The following MGAT4C variants were observed in gnomAD, a reference collection of about 807,000 sequenced individuals.
MGAT4C encodes MGAT4 family member C.
Under a neutral mutation model 40.1 loss-of-function variants are expected in MGAT4C, and 19 were observed. That is an observed-to-expected ratio of 0.47 (90% CI 0.33 to 0.70). MGAT4C has a LOEUF of 0.70. MGAT4C is among the 30% of genes least tolerant of loss of function. The pLI, the probability that MGAT4C is intolerant of heterozygous loss-of-function variation, is 0.02. For synonymous variants in MGAT4C, 181 were observed against 187.1 expected, an observed-to-expected ratio of 0.97 and a Z score of 0.27; for missense variants, 491 against 563.2, an observed-to-expected ratio of 0.87 and a Z score of 1.30.
At chr12:86,732,915 C>T (rs1252031011) in intron 1 of MGAT4C, among the ~76,000 whole-genome samples, 1 of 151,490 alleles carries the variant, frequency 6.6e-6, no homozygotes, top group Non-Finnish European at 1.5e-5. Flanking sequence ...CATCAAATTG[C>T]TTCATTTTTA....
chr12:86,275,135 C>G (rs774581390), intron 4 of MGAT4C, among the ~76,000 whole-genome samples: 1 of 152,094 alleles, frequency 6.6e-6, no homozygotes, highest in African/African-American at 2.4e-5. Context: ...CCATTCAGAA[C>G]AAGTATGAAA....
At chr12:86,611,106 C>T (rs1565882393) in intron 2 of MGAT4C, among the ~76,000 whole-genome samples, 1 of 151,642 alleles carries the variant, frequency 6.6e-6, no homozygotes, top group Admixed American at 6.6e-5. Context: ...TGTCAGCTAA[C>T]GACTCCTTGG....
intron 4 of MGAT4C, among the ~76,000 whole-genome samples, chr12:86,326,296 T>TCACACACACACA (rs3047013): frequency 2.1e-5 from 3 of 140,754 alleles, no homozygotes; most frequent in African/African-American, 7.7e-5. Context: ...AGTATTCTCA[T>TCACACACACACA]CACACACACA....
rs373091551 is a variant in MGAT4C at position 86,616,703 on chromosome 12, CT to C, written c.-229+110505del. ...ACTTTCATCAAAGTTAACAGGGTTT[CT>C]TTTTTTTTTTTTCTTCTCCAAGTTC... On this transcript the variant is annotated intron_variant, in intron 2 of 7. Coordinates refer to the MGAT4C transcript ENST00000548651. Among the ~76,000 whole-genome samples, 1,037 of 144,600 alleles carry C rather than the reference CT, an allele frequency of 7.2e-3. 4 individuals are homozygous for C. The highest frequency in any genetic ancestry group is 0.011 in the Middle Eastern group (3 of 272). 94.9% of individuals were successfully genotyped at this position (144,600 alleles called of 152,430 possible).
intron 2 of MGAT4C, among the ~76,000 whole-genome samples, chr12:86,041,186 C>G (rs1199088937): frequency 2.6e-5 from 4 of 151,498 alleles, no homozygotes; most frequent in African/African-American, 9.7e-5. Context: ...TTTACCATTT[C>G]TGATTGTGTT....
chr12:86,213,952 C>T (rs182154536), intron 1 of MGAT4C, among the ~76,000 whole-genome samples: 2 of 152,276 alleles, frequency 1.3e-5, no homozygotes, highest in East Asian at 3.9e-4. Context: ...AGACTTATTC[C>T]CCACAAGGGG....
At chr12:86,667,628 G>A (rs1964147622) in intron 2 of MGAT4C, among the ~76,000 whole-genome samples, 1 of 152,030 alleles carries the variant, frequency 6.6e-6, no homozygotes, top group African/African-American at 2.4e-5. Flanking sequence ...CCTTGCAATG[G>A]GAATGAAACC....
upstream of MGAT4C, among the ~76,000 whole-genome samples, chr12:86,258,289 ATCT>A (rs2136091929): frequency 1.2e-5 from 1 of 82,282 alleles, no homozygotes; most frequent in South Asian, 4.0e-4. Context: ...GATATAATCT[ATCT>A]ATCTATCTAT....
intron 1 of MGAT4C, among the ~76,000 whole-genome samples, chr12:86,125,328 G>T (rs1403013313): frequency 6.6e-6 from 1 of 152,112 alleles, no homozygotes; most frequent in Non-Finnish European, 1.5e-5. Flanking sequence ...GTAGTTCCAG[G>T]CTGCTACATC....
At chr12:86,295,856 G>C (rs1426858523) in intron 4 of MGAT4C, among the ~76,000 whole-genome samples, 1 of 151,712 alleles carries the variant, frequency 6.6e-6, no homozygotes, top group African/African-American at 2.4e-5. Flanking sequence ...CTAAACACAG[G>C]GTGCTGATTG....
At chr12:86,743,368 T>C (rs1951103800) in intron 1 of MGAT4C, among the ~76,000 whole-genome samples, 1 of 151,610 alleles carries the variant, frequency 6.6e-6, no homozygotes. Context: ...ACTTCAGTGA[T>C]TTAATAACTT....
Position 86,082,638 on chromosome 12 carries a change from A to G in MGAT4C, c.-56-32915T>C, listed in dbSNP as rs569174239. Among the ~76,000 whole-genome samples the G allele has an allele frequency of 2.0e-5, 3 of 152,260 alleles. No individual in the cohort carries two copies. The South Asian group carries it at 6.2e-4, about 32-fold the overall frequency. On this transcript the variant is annotated intron_variant, in intron 1 of 4. Transcript: ENST00000611864. ...GTTTCAGCACAAAATGATCCAACAGAAAGTCTAATATAAGTATCAAACTAT... is the reference window on the plus strand; with the variant it reads ...GTTTCAGCACAAAATGATCCAACAGGAAGTCTAATATAAGTATCAAACTAT...
intron 1 of MGAT4C, among the ~76,000 whole-genome samples, chr12:86,741,301 A>G (rs1951065428): frequency 6.6e-6 from 1 of 151,364 alleles, no homozygotes; most frequent in African/African-American, 2.4e-5. Context: ...GTTTTAGATT[A>G]TACTTTAAAT....
At chr12:86,633,862 G>T (rs10858456) in intron 2 of MGAT4C, among the ~76,000 whole-genome samples, 1 of 151,684 alleles carries the variant, frequency 6.6e-6, no homozygotes, top group Admixed American at 6.6e-5. Flanking sequence ...TCATTAAGTT[G>T]CCTCCTCCAT....
chr12:86,539,148 A>G (rs1320853768), intron 2 of MGAT4C, among the ~76,000 whole-genome samples: 6 of 151,796 alleles, frequency 4.0e-5, no homozygotes, highest in African/African-American at 9.7e-5. Flanking sequence ...TACATTAGGT[A>G]TATCTCCTAA....
intron 1 of MGAT4C, among the ~76,000 whole-genome samples, chr12:86,075,571 C>T (rs1170533877): frequency 3.9e-5 from 6 of 152,336 alleles, no homozygotes; most frequent in Non-Finnish European, 7.4e-5. Context: ...TGATCCCACA[C>T]TTCCCTTCTG....
At chr12:86,778,903 AAAAC>A (rs1471857691) in intron 1 of MGAT4C, among the ~76,000 whole-genome samples, 4 of 151,724 alleles carry the variant, frequency 2.6e-5, no homozygotes, top group Non-Finnish European at 4.4e-5. Context: ...AAAACAAAAC[AAAAC>A]AAACAAAACC....
chr12:86,246,179 C>CTTTTTTTTTTTTTTTTTTTTTTTTT (rs57004605), intron 1 of MGAT4C, among the ~76,000 whole-genome samples: 1 of 70,122 alleles, frequency 1.4e-5, no homozygotes, highest in Non-Finnish European at 2.5e-5. Context: ...TGTACCATTG[C>CTTTTTTTTTTTTTTTTTTTTTTTTT]TTTTTTTTTT....
intron 1 of MGAT4C, among the ~76,000 whole-genome samples, chr12:86,229,686 T>C (rs1951236155): frequency 6.6e-6 from 1 of 151,994 alleles, no homozygotes; most frequent in South Asian, 2.1e-4. Context: ...TACATAATTA[T>C]ATACATGTGA....
Sources: gnomAD v4.1 joint callset for allele counts (sites outside exome capture counted in the v4.1 genomes callset) on GRCh38, gnomAD v4.1.1 for gene constraint, MANE v1.5 for transcripts, NCBI Gene and HGNC (gene_info 2026-07-23, HGNC 2026-07-21) for gene names.